STOM: variants seen among roughly 807,000 people sequenced by gnomAD.
STOM encodes erythrocyte band 7 integral membrane protein.
STOM carries 25 observed loss-of-function variants against 30.6 expected under a neutral mutation model. The ratio of observed to expected loss-of-function variants is 0.82; its 90% CI spans 0.60 to 1.14. The LOEUF (loss-of-function observed/expected upper bound fraction) is 1.14, where lower values mean the gene tolerates loss of function less well. Among genes scored for constraint, STOM ranks in the 50% most tolerant of loss-of-function variants. The probability of loss-of-function intolerance (pLI) is 0.00; values close to 1 mark genes in which losing one functional copy is unlikely to be tolerated. For missense variants in STOM, 292 were observed against 365.2 expected (o/e 0.80, Z 1.63); for synonymous variants, 118 against 130.8 (o/e 0.90, Z 0.67).
chr9:121,356,787 A>G (rs2064395487), intron 1 of STOM, among the ~76,000 whole-genome samples: 1 of 152,170 alleles, frequency 6.6e-6, no homozygotes, highest in Admixed American at 6.5e-5. Context: ...GTTCAAGACC[A>G]GCCTGATCAA....
At chr9:121,360,992 T>C (rs1226372769) in intron 1 of STOM, among the ~76,000 whole-genome samples, 3 of 152,210 alleles carry the variant, frequency 2.0e-5, no homozygotes, top group Non-Finnish European at 4.4e-5. Flanking sequence ...GAAAGTATCC[T>C]ACCTTCACCT....
intron 1 of STOM, chr9:121,365,984 G>T (rs2064499531): frequency 2.9e-6 from 1 of 349,408 alleles, no homozygotes; most frequent in Non-Finnish European, 4.0e-6. Context: ...TACACTTGGG[G>T]CAGTAAGTCA....
At chr9:121,353,499 A>G (rs2064357538) in intron 3 of STOM, among the ~76,000 whole-genome samples, 197 bp from the exon 4 acceptor site, 1 of 152,050 alleles carries the variant, frequency 6.6e-6, no homozygotes, top group South Asian at 2.1e-4. Context: ...AGGTCTGTGG[A>G]GTTCATTTCC....
chr9:121,366,152 T>G (rs1463686822), intron 1 of STOM: 1 of 985,272 alleles, frequency 1.0e-6, no homozygotes, highest in Non-Finnish European at 1.2e-6. Context: ...AAGTTCAGTA[T>G]AGTTTTCATT....
intron 1 of STOM, among the ~76,000 whole-genome samples, chr9:121,366,703 T>C (rs1182501381): frequency 1.3e-5 from 2 of 152,200 alleles, no homozygotes; most frequent in African/African-American, 2.4e-5. Context: ...CCCTGCCTGC[T>C]TCCTTTTTCT....
rs568193354 is a variant in STOM, at chr9:121,350,700, C to G, written c.322-1377G>C. 1.4e-4 allele frequency among the ~76,000 whole-genome samples: 21 copies of G among 152,300 alleles called. No individual in the cohort carries two copies. The South Asian group carries it at 4.4e-3, about 32-fold the overall frequency. On this transcript the variant is annotated intron_variant, in intron 4 of 6. Coordinates refer to ENST00000286713, the MANE Select transcript of STOM (RefSeq NM_004099.6). ...CGCTAATAATACTGCCTAATTCTAT[C>G]CAAATTTCTGTGAAGATCAAATAAG... is the stretch of plus-strand genomic sequence containing the variant.
rs368984951 is a variant in STOM at position 121,356,128 on chromosome 9, G to A, written c.90C>T (p.Cys30=). 3.7e-6 allele frequency: 6 copies of A among 1,614,028 alleles called. No homozygotes were observed. The highest frequency in any genetic ancestry group is 1.1e-5 in the South Asian group (1 of 91,046). The change falls in exon 2 of 7, where the codon TGC becomes TGT. Residue 30 remains cysteine, a synonymous_variant. Transcript: ENST00000286713. ...ATGAGAACGCCACCAAAATCCATCCGCAAGGTCCAAGGCCCTTACTGGGGC... is the reference window on the plus strand; with the variant it reads ...ATGAGAACGCCACCAAAATCCATCCACAAGGTCCAAGGCCCTTACTGGGGC... ...KDSPSKGLGP[C]GWILVAFSFL... is the part of the protein sequence containing the mutation.
At position 121,349,217 on chromosome 9, in the gene STOM, G is replaced by C; in HGVS notation, c.428C>G (p.Thr143Ser). 1 of 1,614,176 alleles carries C rather than the reference G, an allele frequency of 6.2e-7. No individual in the cohort carries two copies. Among genetic ancestry groups the C allele is most frequent in the Non-Finnish European group, 8.5e-7 (1 of 1,180,028 alleles). ...CAGAGTAGTTTGTGCCAAAAGACGG[G>C]TTGCTGAGTCAGCGTTGGTGATATT... ...VANITNADSA[T>S]RLLAQTTLRN... The change falls in exon 5 of 7, where the codon ACC becomes AGC. Residue 143 changes from threonine to serine, a missense_variant. Physicochemically the swap from Thr to Ser is moderately conservative, Grantham distance 58 (BLOSUM62 1). Coordinates refer to ENST00000286713, the MANE Select transcript of STOM (RefSeq NM_004099.6).
At chr9:121,361,254 C>T (rs747945068) in intron 1 of STOM, among the ~76,000 whole-genome samples, 2 of 152,142 alleles carry the variant, frequency 1.3e-5, no homozygotes, top group Non-Finnish European at 2.9e-5. Context: ...GAAATTCTCA[C>T]TCACTAAAAT....
intron 1 of STOM, among the ~76,000 whole-genome samples, chr9:121,364,007 AT>A: frequency 6.6e-6 from 1 of 152,290 alleles, no homozygotes; most frequent in East Asian, 1.9e-4. Flanking sequence ...AGTTTTTCAA[AT>A]GACTGGAATT....
At position 121,340,682 on chromosome 9, in the gene STOM, G is replaced by A. The variant is rs1264305991; in HGVS notation, c.*520C>T. 1.9e-5 allele frequency: 17 copies of A among 887,476 alleles called. No homozygotes were observed. The highest frequency in any genetic ancestry group is 1.5e-4 in the South Asian group (3 of 19,502). The allele number at this position is 887,476 out of a possible 1,614,324, so 55.0% of individuals were successfully genotyped here. On this transcript the variant is annotated 3_prime_UTR_variant, in exon 7 of 7. Coordinates refer to ENST00000286713, the MANE Select transcript of STOM (RefSeq NM_004099.6). ...GGAGAATCTCTTGAACCCAGGAGGC[G>A]GAGGTTGCAGTGAGCCGAGATCATG...
intron 1 of STOM, among the ~76,000 whole-genome samples, chr9:121,357,429 A>ATATATATATATATATATATATG (rs1284220440): frequency 7.0e-5 from 8 of 114,018 alleles, no homozygotes; most frequent in African/African-American, 2.5e-4. Context: ...TAAATGATAT[A>ATATATATATATATATATATATG]TATATATATA....
intron 3 of STOM, 58 bp downstream of exon 3, chr9:121,354,543 A>T: frequency 1.5e-6 from 2 of 1,357,348 alleles, no homozygotes; most frequent in South Asian, 1.3e-5. Context: ...ACCTAAAAAT[A>T]AAAAAAATAA....
Position 121,357,441 on chromosome 9 carries a change from T to TA in STOM, c.62-1286_62-1285insT, listed in dbSNP as rs1564631312. The stretch of plus-strand genomic sequence containing the variant: ...TTTTAAATGATATATATATATATAT[T>TA]TATTTATTTATTTTTTGAGACAGAG... On this transcript the variant is annotated intron_variant, in intron 1 of 6. Transcript: ENST00000286713. Among the ~76,000 whole-genome samples the TA allele has an allele frequency of 2.5e-3, 182 of 74,092 alleles. 11 individuals are homozygous for TA. The highest frequency in any genetic ancestry group is 3.1e-3 in the Non-Finnish European group (117 of 37,882). 48.6% of individuals were successfully genotyped at this position (74,092 alleles called of 152,430 possible). A position where few individuals can be genotyped will look rare whatever the true frequency, so the allele number is the denominator to read the frequency against.
chr9:121,355,872 T>C (rs1267284466), intron 2 of STOM, among the ~76,000 whole-genome samples, 181 bp downstream of exon 2: 1 of 152,130 alleles, frequency 6.6e-6, no homozygotes, highest in Non-Finnish European at 1.5e-5. Flanking sequence ...GAAAAGAAGT[T>C]TTAAGGTTCC....
chr9:121,348,974 G>T, intron 5 of STOM, 146 bp downstream of exon 5: 2 of 850,136 alleles, frequency 2.4e-6, no homozygotes, highest in Non-Finnish European at 3.6e-6. Context: ...GTCCCCTCCT[G>T]CCAAATTTGA....
chr9:121,341,302 A>G lies in STOM; in HGVS notation c.767T>C (p.Leu256Pro). The G allele has an allele frequency of 3.1e-6, 5 of 1,614,220 alleles. No homozygotes were observed. The highest frequency in any genetic ancestry group is 4.2e-6 in the Non-Finnish European group (5 of 1,180,042). ...GTTTTTCTCAGCAGCAATGGTGGTC[A>G]GTGTCTGCAGGTATCGGAGCTGAAG... ...AALQLRYLQT[L>P]TTIAAEKNST... Residue 256 changes from leucine (L) to proline (P), a missense_variant, in exon 7 of 7, where the codon CTG becomes CCG. Coordinates refer to ENST00000286713, the MANE Select transcript of STOM (RefSeq NM_004099.6).
chr9:121,354,493 C>G (rs1300286473), intron 3 of STOM, 108 bp downstream of exon 3: 1 of 833,232 alleles, frequency 1.2e-6, no homozygotes, highest in African/African-American at 1.8e-5. Flanking sequence ...GTACTCCAGC[C>G]TGGGCGACGG....
chr9:121,367,960 G>C (rs1291221468), intron 1 of STOM, among the ~76,000 whole-genome samples: 1 of 152,170 alleles, frequency 6.6e-6, no homozygotes, highest in African/African-American at 2.4e-5. Flanking sequence ...CATGTGAGCC[G>C]CAGTATCCTT....
Sources: allele counts gnomAD v4.1 joint callset (sites outside exome capture counted in the v4.1 genomes callset), GRCh38; gene constraint gnomAD v4.1.1; transcripts MANE v1.5; gene names NCBI Gene and HGNC (gene_info 2026-07-23, HGNC 2026-07-21).